Variants in VWA2 observed in about 807,000 individuals in gnomAD.
VWA2 encodes von Willebrand factor A domain-containing protein 2.
VWA2 carries 73 observed loss-of-function variants against 70.4 expected under a neutral mutation model. The ratio of observed to expected loss-of-function variants is 1.04; its 90% CI spans 0.86 to 1.26. The LOEUF is 1.26. Among genes scored for constraint, VWA2 ranks in the 50% most tolerant of loss-of-function variants. VWA2 has a pLI of 0.00. For missense variants in VWA2, 1,011 were observed against 998.5 expected, an observed-to-expected ratio of 1.01 and a Z score of -0.17; for synonymous variants, 407 against 423.3, an observed-to-expected ratio of 0.96 and a Z score of 0.47.
chr10:114,243,130 A>C (rs908792021), intron 1 of VWA2, among the ~76,000 whole-genome samples: 6 of 152,258 alleles, frequency 3.9e-5, no homozygotes, highest in African/African-American at 1.4e-4. Flanking sequence ...GATATCATCC[A>C]TCAAAACAAA....
At chr10:114,271,608 AACACACACACAC>A (rs142127208) in intron 5 of VWA2, among the ~76,000 whole-genome samples, 4 of 144,796 alleles carry the variant, frequency 2.8e-5, no homozygotes, top group South Asian at 2.3e-4. Context: ...GAGAAGTAAA[AACACACACACAC>A]ACACACACAC....
intron 1 of VWA2, among the ~76,000 whole-genome samples, chr10:114,241,674 C>T (rs978727718): frequency 3.3e-5 from 5 of 152,020 alleles, no homozygotes; most frequent in South Asian, 2.1e-4. Flanking sequence ...GGAAGGGTAC[C>T]GGGCACAGGG....
intron 6 of VWA2, among the ~76,000 whole-genome samples, chr10:114,275,941 A>G (rs1343444717): frequency 1.3e-5 from 2 of 152,048 alleles, no homozygotes; most frequent in African/African-American, 4.8e-5. Flanking sequence ...AAACAAAAAT[A>G]AATTAATTAG....
At chr10:114,275,132 G>A (rs1328466451) in intron 6 of VWA2, among the ~76,000 whole-genome samples, 1 of 152,174 alleles carries the variant, frequency 6.6e-6, no homozygotes, top group Non-Finnish European at 1.5e-5. Flanking sequence ...AGTGGGGACA[G>A]GGAGAGAAGA....
rs373942949 is a variant in VWA2, at chr10:114,286,133, G to A, written c.1192G>A (p.Gly398Arg). ...GGAGCTGCTGGTGGCGGTGCCTGTG[G>A]GGGAGTACCAGGATGTGCCTGACCT... The part of the protein sequence containing the change: ...SRELLVAVPV[G>R]EYQDVPDLVW... The change falls in exon 11 of 14, where the codon GGG (glycine) becomes AGG (arginine). Residue 398 changes from glycine to arginine, a missense_variant. Physicochemically the swap from Gly to Arg is moderately radical, Grantham distance 125. Coordinates refer to ENST00000392982, the MANE Select transcript of VWA2 (RefSeq NM_001272046.2). 23 of 1,613,988 alleles carry A rather than the reference G, an allele frequency of 1.4e-5. No homozygotes were observed. The highest frequency in any genetic ancestry group is 4.0e-5 in the African/African-American group (3 of 74,952).
At chr10:114,257,548 C>A (rs929668440) in intron 4 of VWA2, among the ~76,000 whole-genome samples, 1 of 152,176 alleles carries the variant, frequency 6.6e-6, no homozygotes, top group Admixed American at 6.5e-5. Context: ...CACACAGCAA[C>A]CTCAGGAGAG....
intron 4 of VWA2, among the ~76,000 whole-genome samples, chr10:114,258,184 T>G (rs945521371): frequency 1.3e-5 from 2 of 152,214 alleles, no homozygotes; most frequent in Non-Finnish European, 2.9e-5. Flanking sequence ...GCTTCAGGCT[T>G]TATGTTTTTG....
At chr10:114,240,482 T>G (rs982301198) in intron 1 of VWA2, among the ~76,000 whole-genome samples, 1 of 152,224 alleles carries the variant, frequency 6.6e-6, no homozygotes, top group African/African-American at 2.4e-5. Context: ...TGCCATGTGT[T>G]TGATGTCTTG....
In VWA2 at chr10:114,291,940, C is replaced by T. The variant is rs748771385; in HGVS notation, c.*703C>T. Among the ~76,000 whole-genome samples, 19 of 152,230 alleles carry T rather than the reference C, an allele frequency of 1.2e-4. No homozygotes were observed. Among genetic ancestry groups the T allele is most frequent in the South Asian group, 1.2e-3 (6 of 4,820 alleles). ...CAGGTCTGGAGGGGCCACGTAAAAT[C>T]GTTCTGAGTCGTGAGCAGTGTCCAC... On this transcript the variant is annotated 3_prime_UTR_variant, in exon 14 of 14. Coordinates refer to ENST00000392982, the MANE Select transcript of VWA2 (RefSeq NM_001272046.2).
intron 11 of VWA2, among the ~76,000 whole-genome samples, chr10:114,287,654 A>G (rs1413488001): frequency 6.6e-6 from 1 of 152,158 alleles, no homozygotes; most frequent in East Asian, 1.9e-4. Flanking sequence ...AGGCTGGTCT[A>G]AGTGCTTTTG....
Position 114,293,687 on chromosome 10 carries a change from G to C in VWA2, c.*2450G>C, listed in dbSNP as rs78011127. ...TGCAATAATTAAAACATTGCATATA[G>C]GCCATAAATTTCCTTATTTTCTCTG... On this transcript the variant is annotated 3_prime_UTR_variant, in exon 14 of 14. Transcript: ENST00000392982. 2.7e-3 allele frequency among the ~76,000 whole-genome samples: 413 copies of C among 152,132 alleles called. 1 individual carries two copies. The highest frequency in any genetic ancestry group is 3.5e-3 in the Admixed American group (54 of 15,282).
chr10:114,250,690 A>G (rs527666478), intron 2 of VWA2, among the ~76,000 whole-genome samples: 2 of 152,334 alleles, frequency 1.3e-5, no homozygotes, highest in South Asian at 2.1e-4. Flanking sequence ...GCCCAGCCCA[A>G]CTGTTTCCCT....
chr10:114,255,956 G>A (rs2037317903), intron 4 of VWA2, among the ~76,000 whole-genome samples: 1 of 152,114 alleles, frequency 6.6e-6, no homozygotes. Context: ...CCTAAATTTG[G>A]TGACATGCTT....
At chr10:114,261,138 T>C in intron 4 of VWA2, 48 bp from the exon 5 acceptor site, 2 of 1,409,750 alleles carry the variant, frequency 1.4e-6, no homozygotes, top group Non-Finnish European at 2.0e-6. Flanking sequence ...CTTAGGAATG[T>C]TTTTGACTCC....
chr10:114,278,169 C>T (rs2037895730), intron 7 of VWA2, 122 bp downstream of exon 7: 2 of 1,355,838 alleles, frequency 1.5e-6, no homozygotes, highest in Non-Finnish European at 2.0e-6. Context: ...GAAACAGAGA[C>T]CGGCAGCCTC....
At chr10:114,251,067 A>C (rs2037185701) in intron 2 of VWA2, among the ~76,000 whole-genome samples, 1 of 152,220 alleles carries the variant, frequency 6.6e-6, no homozygotes, top group Non-Finnish European at 1.5e-5. Flanking sequence ...GAAAGATAAG[A>C]ATGTACAAAA....
At chr10:114,255,387 C>T (rs1195665267) in intron 4 of VWA2, among the ~76,000 whole-genome samples, 1 of 152,148 alleles carries the variant, frequency 6.6e-6, no homozygotes, top group Non-Finnish European at 1.5e-5. Flanking sequence ...TGGCCAAAGT[C>T]CCAGGAGGGT....
chr10:114,269,253 G>A (rs770474455), intron 5 of VWA2, among the ~76,000 whole-genome samples: 1 of 152,192 alleles, frequency 6.6e-6, no homozygotes, highest in Non-Finnish European at 1.5e-5. Context: ...ACCACAGGCT[G>A]ATGGTTGTGA....
At chr10:114,257,798 A>G (rs1368395198) in intron 4 of VWA2, among the ~76,000 whole-genome samples, 1 of 152,246 alleles carries the variant, frequency 6.6e-6, no homozygotes. Flanking sequence ...TTGCTGGACC[A>G]CATCTAGAAA....
Sources: gnomAD v4.1 joint callset for allele counts (sites outside exome capture counted in the v4.1 genomes callset) on GRCh38, gnomAD v4.1.1 for gene constraint, MANE v1.5 for transcripts, NCBI Gene and HGNC (gene_info 2026-07-23, HGNC 2026-07-21) for gene names.